The following NLGN4Y variants were observed in gnomAD, a reference collection of about 807,000 sequenced individuals.
The protein encoded by NLGN4Y is neuroligin 4 Y-linked.
A neutral mutation model predicts 8.4 loss-of-function variants in NLGN4Y; 4 were observed. The ratio of observed to expected loss-of-function variants is 0.48; its 90% CI spans 0.23 to 1.09. The LOEUF is 1.09. Among genes scored for constraint, NLGN4Y ranks in the 50% least tolerant of loss-of-function variants. The pLI is 0.19. For synonymous variants in NLGN4Y, 35 were observed against 75.6 expected, an observed-to-expected ratio of 0.46 and a Z score of 2.78; for missense variants, 90 against 192.3, an observed-to-expected ratio of 0.47 and a Z score of 3.15.
intron 2 of NLGN4Y, among the ~76,000 whole-genome samples, chrY:14,629,199 C>A: frequency 5.9e-5 from 2 of 33,721 alleles, no homozygotes; most frequent in Non-Finnish European, 1.5e-4. Context: ...GGGAAAGAAG[C>A]TAGAAAGTCA....
intron 4 of NLGN4Y, among the ~76,000 whole-genome samples, chrY:14,804,857 T>A: frequency 3.0e-5 from 1 of 33,647 alleles, no homozygotes; most frequent in Non-Finnish European, 7.3e-5. Context: ...CCTATGAGAA[T>A]ATAATGTCAC....
At chrY:14,527,137 TAAA>T (rs2080096671) in intron 1 of NLGN4Y, among the ~76,000 whole-genome samples, 1 of 33,703 alleles carries the variant, frequency 3.0e-5, no homozygotes, top group Non-Finnish European at 7.4e-5. Flanking sequence ...CTCACAAAAG[TAAA>T]CATTCAAGTG....
intron 2 of NLGN4Y, among the ~76,000 whole-genome samples, chrY:14,672,331 T>C (rs2080713945): frequency 3.2e-5 from 1 of 31,000 alleles, no homozygotes; most frequent in South Asian, 7.5e-4. Flanking sequence ...AAGACCATTC[T>C]GGCTAACATG....
chrY:14,570,798 A>G (rs2080266556), intron 1 of NLGN4Y, among the ~76,000 whole-genome samples: 1 of 16,708 alleles, frequency 6.0e-5, no homozygotes, highest in Non-Finnish European at 1.2e-4. Flanking sequence ...TCCTGTGTCC[A>G]TGTGTTCTCA....
intron 1 of NLGN4Y, among the ~76,000 whole-genome samples, chrY:14,556,400 C>A (rs2080210758): frequency 3.1e-5 from 1 of 32,553 alleles, no homozygotes; most frequent in Non-Finnish European, 7.5e-5. Context: ...TATATTAACT[C>A]ATTGGTGTCA....
At chrY:14,706,082 G>T in intron 2 of NLGN4Y, among the ~76,000 whole-genome samples, 1 of 33,481 alleles carries the variant, frequency 3.0e-5, no homozygotes, top group Non-Finnish European at 7.4e-5. Context: ...GTATTAAACA[G>T]TTCAGTATAG....
intron 2 of NLGN4Y, among the ~76,000 whole-genome samples, chrY:14,690,308 G>GA (rs2080805520): frequency 3.0e-5 from 1 of 32,875 alleles, no homozygotes; most frequent in Non-Finnish European, 7.5e-5. Flanking sequence ...ATTATCTGTA[G>GA]AAAAAATGTT....
At chrY:14,683,787 A>G in intron 2 of NLGN4Y, among the ~76,000 whole-genome samples, 1 of 33,906 alleles carries the variant, frequency 2.9e-5, no homozygotes, top group Admixed American at 2.7e-4. Context: ...AGAGTCATAC[A>G]AAAGCTGTCT....
chrY:14,550,742 T>A (rs2080189979), intron 1 of NLGN4Y, among the ~76,000 whole-genome samples: 1 of 34,316 alleles, frequency 2.9e-5, no homozygotes, highest in Non-Finnish European at 7.3e-5. Context: ...TGCAGAAAGA[T>A]CCACTGTTAG....
At chrY:14,724,896 C>A (rs933375516) in intron 4 of NLGN4Y, among the ~76,000 whole-genome samples, 7 of 32,712 alleles carry the variant, frequency 2.1e-4, no homozygotes, top group Non-Finnish European at 3.7e-4. Context: ...CCCCTGTCGG[C>A]CACCCAAAGT....
chrY:14,570,187 C>A, intron 1 of NLGN4Y, among the ~76,000 whole-genome samples: 2 of 33,866 alleles, frequency 5.9e-5, no homozygotes, highest in African/African-American at 2.3e-4. Flanking sequence ...TTAGGACCTA[C>A]AATTCACACT....
At chrY:14,765,421 G>C in intron 4 of NLGN4Y, among the ~76,000 whole-genome samples, 2 of 33,478 alleles carry the variant, frequency 6.0e-5, no homozygotes, top group African/African-American at 2.3e-4. Flanking sequence ...TTGTGTATCT[G>C]CCTTCTCCTA....
rs2080170082 is a variant in NLGN4Y, at chrY:14,545,632, G to GT, written c.-112+20931dup. 1.2e-4 allele frequency among the ~76,000 whole-genome samples: 4 copies of GT among 33,245 alleles called. No individual in the cohort carries two copies. In the East Asian group the frequency reaches 3.2e-3, roughly 26 times the overall value. The allele number at this position is 33,245 out of a possible 37,273, so 89.2% of individuals were successfully genotyped here. A position where few individuals can be genotyped will look rare whatever the true frequency, so the allele number is the denominator to read the frequency against. On this transcript the variant is annotated intron_variant, in intron 1 of 6. Coordinates refer to ENST00000684976, the MANE Select transcript of NLGN4Y (RefSeq NM_001365588.1). ...CGCCCACTTTTTGATGGGGTTGTTTGTTTTTTTCTTGTCAATTTGTTTGAG... is the reference window on the plus strand; with the variant it reads ...CGCCCACTTTTTGATGGGGTTGTTTGTTTTTTTTCTTGTCAATTTGTTTGAG...
intron 4 of NLGN4Y, among the ~76,000 whole-genome samples, chrY:14,792,851 AGTGTGTGTGTGTGT>A (rs1569375425): frequency 9.9e-4 from 9 of 9,098 alleles, no homozygotes; most frequent in South Asian, 4.8e-3. Flanking sequence ...AGAGAGAGAG[AGTGTGTGTGTGTGT>A]GTGTGTGTGT....
intron 2 of NLGN4Y, among the ~76,000 whole-genome samples, chrY:14,697,633 A>T: frequency 3.2e-5 from 1 of 31,298 alleles, no homozygotes. Flanking sequence ...AGATAGATAG[A>T]TAGGCAGGCA....
At chrY:14,711,150 C>T (rs1036399797) in intron 2 of NLGN4Y, among the ~76,000 whole-genome samples, 11 of 32,351 alleles carry the variant, frequency 3.4e-4, no homozygotes, top group Admixed American at 5.7e-4. Flanking sequence ...TGGGGATTTG[C>T]GGGAGGTAAT....
intron 2 of NLGN4Y, among the ~76,000 whole-genome samples, chrY:14,683,705 T>G (rs1018663917): frequency 6.0e-5 from 2 of 33,588 alleles, no homozygotes; most frequent in Non-Finnish European, 1.5e-4. Context: ...GACCTTGATA[T>G]GTAAAGTATG....
At chrY:14,752,051 T>G in intron 4 of NLGN4Y, among the ~76,000 whole-genome samples, 1 of 33,478 alleles carries the variant, frequency 3.0e-5, no homozygotes, top group Non-Finnish European at 7.4e-5. Flanking sequence ...TTCCTACTCC[T>G]AGATATGAAG....
chrY:14,755,266 A>G, intron 4 of NLGN4Y, among the ~76,000 whole-genome samples: 2 of 33,220 alleles, frequency 6.0e-5, no homozygotes, highest in African/African-American at 2.3e-4. Flanking sequence ...TCTGACATTA[A>G]CATTACCTTA....
Sources: gnomAD v4.1 joint callset for allele counts (sites outside exome capture counted in the v4.1 genomes callset) on GRCh38, gnomAD v4.1.1 for gene constraint, MANE v1.5 for transcripts, NCBI Gene and HGNC (gene_info 2026-07-23, HGNC 2026-07-21) for gene names.